The following IMMP2L variants were observed in gnomAD, a reference collection of about 807,000 sequenced individuals.
The protein encoded by IMMP2L is inner mitochondrial membrane peptidase subunit 2.
IMMP2L carries 18 observed loss-of-function variants against 19.3 expected under a neutral mutation model. The ratio of observed to expected loss-of-function variants is 0.93; its 90% CI spans 0.64 to 1.38. The LOEUF (loss-of-function observed/expected upper bound fraction) is 1.38, where lower values mean the gene tolerates loss of function less well. Ranked by LOEUF, IMMP2L falls within the 40% of genes most tolerant of loss-of-function variation. IMMP2L has a pLI of 0.00. For synonymous variants in IMMP2L, 76 were observed against 73.0 expected, an observed-to-expected ratio of 1.04 and a Z score of -0.21; for missense variants, 233 against 218.2, an observed-to-expected ratio of 1.07 and a Z score of -0.43.
At chr7:111,560,119 T>C (rs1358463035) in intron 1 of IMMP2L, among the ~76,000 whole-genome samples, 1 of 152,162 alleles carries the variant, frequency 6.6e-6, no homozygotes, top group Non-Finnish European at 1.5e-5. Flanking sequence ...TATGTGTATA[T>C]ATGGAACAAA....
At chr7:110,823,592 A>G (rs1458021148) in intron 5 of IMMP2L, among the ~76,000 whole-genome samples, 1 of 152,116 alleles carries the variant, frequency 6.6e-6, no homozygotes, top group South Asian at 2.1e-4. Flanking sequence ...GGAACTGGCA[A>G]TGGTGAAATT....
intron 3 of IMMP2L, among the ~76,000 whole-genome samples, chr7:111,448,360 C>G (rs1230090189): frequency 6.6e-6 from 1 of 150,770 alleles, no homozygotes; most frequent in East Asian, 2.0e-4. Flanking sequence ...CAAACTATCT[C>G]TCAGACCACA....
chr7:110,729,292 A>C (rs553694015), intron 5 of IMMP2L, among the ~76,000 whole-genome samples: 2 of 152,228 alleles, frequency 1.3e-5, no homozygotes, highest in Non-Finnish European at 2.9e-5. Flanking sequence ...GGAGGCCTCA[A>C]GAAACTTATA....
At chr7:110,815,447 C>T (rs1802415408) in intron 5 of IMMP2L, among the ~76,000 whole-genome samples, 9 of 152,056 alleles carry the variant, frequency 5.9e-5, no homozygotes, top group Admixed American at 5.9e-4. Context: ...TGTGTCTCTG[C>T]CAGGCATTGG....
At chr7:111,403,447 GTA>G (rs111864985) in intron 3 of IMMP2L, among the ~76,000 whole-genome samples, 243 of 145,888 alleles carry the variant, frequency 1.7e-3, no homozygotes, top group Non-Finnish European at 1.7e-3. Context: ...TACAGCCCAG[GTA>G]TATATATATA....
intron 2 of IMMP2L, among the ~76,000 whole-genome samples, chr7:111,514,150 C>T (rs1326121837): frequency 6.6e-6 from 1 of 152,034 alleles, no homozygotes; most frequent in Non-Finnish European, 1.5e-5. Flanking sequence ...CTGTATTATA[C>T]ACTCGAATTT....
intron 3 of IMMP2L, among the ~76,000 whole-genome samples, chr7:111,243,153 T>C (rs1015226623): frequency 2.6e-5 from 4 of 152,116 alleles, no homozygotes; most frequent in Non-Finnish European, 5.9e-5. Flanking sequence ...AATTTTTAAA[T>C]GTATGGCATG....
At chr7:111,446,735 C>A (rs989425324) in intron 3 of IMMP2L, among the ~76,000 whole-genome samples, 1 of 152,186 alleles carries the variant, frequency 6.6e-6, no homozygotes, top group African/African-American at 2.4e-5. Flanking sequence ...AAGAGAGGAA[C>A]GCTTCAGACG....
chr7:111,546,861 A>T lies in IMMP2L; in HGVS notation c.-3+14990T>A, dbSNP rs76518747. On this transcript the variant is annotated intron_variant, in intron 1 of 5. Coordinates refer to ENST00000405709, the MANE Select transcript of IMMP2L (RefSeq NM_032549.4). ...AGAGGCCACTAAACATTTAAATTGT[A>T]TCTGAAAAAATGAGAAGATATGATC... is the stretch of plus-strand genomic sequence containing the variant. 2.1e-3 allele frequency among the ~76,000 whole-genome samples: 322 copies of T among 152,280 alleles called. 3 individuals carry two copies. Among genetic ancestry groups the T allele is most frequent in the African/African-American group, 7.3e-3 (305 of 41,568 alleles).
intron 5 of IMMP2L, among the ~76,000 whole-genome samples, chr7:110,880,719 C>G (rs1809553731): frequency 6.6e-6 from 1 of 151,978 alleles, no homozygotes; most frequent in African/African-American, 2.4e-5. Flanking sequence ...TATGAAATTG[C>G]TAAATTAATA....
chr7:110,846,997 G>A (rs999012010), intron 5 of IMMP2L, among the ~76,000 whole-genome samples: 1 of 152,102 alleles, frequency 6.6e-6, no homozygotes, highest in East Asian at 1.9e-4. Flanking sequence ...TTTCTTCAGT[G>A]TTTTCCAGAT....
intron 3 of IMMP2L, among the ~76,000 whole-genome samples, chr7:111,200,461 A>G (rs1018295168): frequency 1.6e-4 from 24 of 152,202 alleles, no homozygotes; most frequent in African/African-American, 5.5e-4. Context: ...TTACAAATGA[A>G]CAACAGAACA....
intron 5 of IMMP2L, among the ~76,000 whole-genome samples, chr7:110,786,145 A>G (rs1390304374): frequency 2.6e-5 from 4 of 151,974 alleles, no homozygotes; most frequent in African/African-American, 7.2e-5. Context: ...TTCCCAGTCT[A>G]AGATAGAAAC....
intron 4 of IMMP2L, among the ~76,000 whole-genome samples, chr7:110,948,530 G>C (rs1347603158): frequency 6.6e-6 from 1 of 152,116 alleles, no homozygotes; most frequent in East Asian, 1.9e-4. Context: ...TAAATAACAT[G>C]GAATAGTATT....
At chr7:111,161,880 C>G (rs1045697562) in intron 3 of IMMP2L, among the ~76,000 whole-genome samples, 1 of 151,832 alleles carries the variant, frequency 6.6e-6, no homozygotes, top group Admixed American at 6.6e-5. Flanking sequence ...TTAAGACAAC[C>G]TGACAAACTA....
chr7:110,851,876 T>C (rs1806257965), intron 5 of IMMP2L, among the ~76,000 whole-genome samples: 1 of 152,150 alleles, frequency 6.6e-6, no homozygotes, highest in Non-Finnish European at 1.5e-5. Flanking sequence ...GCAATATTTC[T>C]GGTTTCACAT....
chr7:111,031,530 T>G (rs971620375), intron 3 of IMMP2L, among the ~76,000 whole-genome samples: 1 of 151,862 alleles, frequency 6.6e-6, no homozygotes. Flanking sequence ...ACATATCGGA[T>G]TATAACAAAA....
chr7:110,732,147 A>G (rs958245368), intron 5 of IMMP2L, among the ~76,000 whole-genome samples: 1 of 152,266 alleles, frequency 6.6e-6, no homozygotes, highest in Admixed American at 6.5e-5. Flanking sequence ...AGCATGAAGA[A>G]TTCAGTATCC....
intron 5 of IMMP2L, among the ~76,000 whole-genome samples, chr7:110,772,707 G>A (rs2131030314): frequency 6.6e-6 from 1 of 152,224 alleles, no homozygotes; most frequent in Non-Finnish European, 1.5e-5. Context: ...CAGGCCCCTT[G>A]ACTGCAATGA....
Sources: allele counts gnomAD v4.1 joint callset (sites outside exome capture counted in the v4.1 genomes callset), GRCh38; gene constraint gnomAD v4.1.1; transcripts MANE v1.5; gene names NCBI Gene and HGNC (gene_info 2026-07-23, HGNC 2026-07-21).